The following GPR55 variants were observed in gnomAD, a reference collection of about 807,000 sequenced individuals.
GPR55 encodes G protein-coupled receptor 55, also known as G-protein coupled receptor 55.
Under a neutral mutation model 7.9 loss-of-function variants are expected in GPR55, and 6 were observed. That is an observed-to-expected ratio of 0.76 (90% CI 0.41 to 1.49). The LOEUF is 1.49. GPR55 is among the 40% of genes most tolerant of loss of function. The pLI is 0.01. For missense variants in GPR55, 376 were observed against 406.0 expected, an observed-to-expected ratio of 0.93 and a Z score of 0.63; for synonymous variants, 183 against 166.8, an observed-to-expected ratio of 1.10 and a Z score of -0.75.
At chr2:230,946,795 T>G (rs1033284066) in intron 1 of GPR55, among the ~76,000 whole-genome samples, 18 of 152,174 alleles carry the variant, frequency 1.2e-4, no homozygotes, top group African/African-American at 4.1e-4. Context: ...GCCCAGCCCA[T>G]CAGACCTTTT....
rs1040993287 is a variant in GPR55, at chr2:230,923,382, G to A, written c.-135+1786C>T. Among the ~76,000 whole-genome samples, 14 of 152,220 alleles carry A rather than the reference G, an allele frequency of 9.2e-5. No individual in the cohort carries two copies. The highest frequency in any genetic ancestry group is 2.6e-4 in the Admixed American group (4 of 15,288). On this transcript the variant is annotated intron_variant, in intron 1 of 1. Coordinates refer to ENST00000650999, the MANE Select transcript of GPR55 (RefSeq NM_005683.4). The surrounding 1 kb of genome is among the most constrained non-coding windows in gnomAD (Gnocchi z 4.1). ...CTAAAAAAGCAGCATTGGCACAGCC[G>A]CAGGGATGGATTTGAGGAGCCCTGG...
intron 1 of GPR55, among the ~76,000 whole-genome samples, chr2:230,950,357 G>A (rs758439266): frequency 2.0e-5 from 3 of 152,172 alleles, no homozygotes; most frequent in East Asian, 1.9e-4. Flanking sequence ...AGGACAAGAC[G>A]CAGAGCAATT....
rs900627858 is a variant in GPR55 at position 230,923,019 on chromosome 2, T to C, written c.-135+2149A>G. ...GCACCCGGCCTGTGCTGGTTCTTAA[T>C]TGCTGACTCTACACATTCTGCAGCT... On this transcript the variant is annotated intron_variant, in intron 1 of 1. Transcript: ENST00000650999. This position sits in a 1 kb window ranked among gnomAD's most constrained non-coding sequence, Gnocchi z 4.1. Among the ~76,000 whole-genome samples, 3 of 152,182 alleles carry C rather than the reference T, an allele frequency of 2.0e-5. No individual in the cohort carries two copies. The highest frequency in any genetic ancestry group is 2.9e-5 in the Non-Finnish European group (2 of 68,040).
chr2:230,949,246 G>A (rs901648839), intron 1 of GPR55, among the ~76,000 whole-genome samples: 2 of 151,994 alleles, frequency 1.3e-5, no homozygotes, highest in East Asian at 1.9e-4. Context: ...TCACTGCAAC[G>A]TCTGTCTCCC....
chr2:230,944,696 T>A lies in GPR55; in HGVS notation c.-135+16079A>T, dbSNP rs1574633893. 6.6e-6 allele frequency among the ~76,000 whole-genome samples: 1 copy of A among 152,234 alleles called. No homozygotes were observed. The highest frequency in any genetic ancestry group is 1.9e-4 in the East Asian group (1 of 5,204). On this transcript the variant is annotated intron_variant, in intron 1 of 1. Coordinates refer to the GPR55 transcript ENST00000392039. This position sits in a 1 kb window ranked among gnomAD's most constrained non-coding sequence, Gnocchi z 4.2. ...TTGTCACAAATTTACTTTGATCTCA[T>A]GTACCCCGTAAATACAGACACCTAC...
intron 1 of GPR55, among the ~76,000 whole-genome samples, chr2:230,940,495 T>A (rs1177367130): frequency 1.3e-5 from 2 of 152,072 alleles, no homozygotes; most frequent in Non-Finnish European, 2.9e-5. Context: ...GACTGAGAAG[T>A]CTGCAGGGGC....
At chr2:230,915,613 C>T (rs946506415) in intron 1 of GPR55, among the ~76,000 whole-genome samples, 15 of 152,150 alleles carry the variant, frequency 9.9e-5, no homozygotes, top group Non-Finnish European at 1.2e-4. Context: ...GGAGATGAAG[C>T]GCCATGTTTC....
chr2:230,946,270 C>A (rs776883709), intron 1 of GPR55, among the ~76,000 whole-genome samples: 1 of 152,052 alleles, frequency 6.6e-6, no homozygotes, highest in African/African-American at 2.4e-5. Context: ...AAGAGGAATA[C>A]GTTCTGGAGA....
At chr2:230,929,430 C>T (rs573855901), upstream of GPR55, among the ~76,000 whole-genome samples, 4 of 152,168 alleles carry the variant, frequency 2.6e-5, no homozygotes, top group African/African-American at 7.2e-5. Context: ...GAGTAAAACA[C>T]GCAAGGGGGC....
At chr2:230,926,306 C>A (rs918633785), upstream of GPR55, among the ~76,000 whole-genome samples, 3 of 152,186 alleles carry the variant, frequency 2.0e-5, no homozygotes, top group Non-Finnish European at 4.4e-5. Context: ...TGGGCTTGTG[C>A]GATGGGCAGT....
At position 230,924,632 on chromosome 2, in the gene GPR55, G is replaced by A. The variant is rs1040935246; in HGVS notation, c.-135+536C>T. On this transcript the variant is annotated intron_variant, in intron 1 of 1. Transcript: ENST00000650999. The surrounding 1 kb of genome is among the most constrained non-coding windows in gnomAD (Gnocchi z 4.5). ...CTCATGCCCCAGAGAGGTAAACGGAGGCTAGAGAAATTACGCAGCTGGTGA... is the reference window on the plus strand; with the variant it reads ...CTCATGCCCCAGAGAGGTAAACGGAAGCTAGAGAAATTACGCAGCTGGTGA... 1 of 152,188 alleles carries A rather than the reference G, an allele frequency of 6.6e-6. No homozygotes were observed. Among genetic ancestry groups the A allele is most frequent in the Non-Finnish European group, 1.5e-5 (1 of 68,062 alleles). 9.4% of individuals were successfully genotyped at this position (152,188 alleles called of 1,614,324 possible).
chr2:230,910,155 A>G lies in GPR55; in HGVS notation c.808T>C (p.Leu270=). Residue 270 remains leucine (L), a synonymous_variant, in exon 2 of 2, where the codon TTG becomes CTG. Transcript: ENST00000650999. The surrounding 1 kb of genome is among the most constrained non-coding windows in gnomAD (Gnocchi z 5.4). Reference sequence around the variant, plus strand: ...TTGGAGAAACACATGGACAATTGCAAGAAGAAGCTGATGCTCTGCTTGGCT... The same window carrying G: ...TTGGAGAAACACATGGACAATTGCAGGAAGAAGCTGATGCTCTGCTTGGCT... ...CRAKQSISFF[L]QLSMCFSNVN... 1 of 1,614,220 alleles carries G rather than the reference A, an allele frequency of 6.2e-7. No individual in the cohort carries two copies. Among genetic ancestry groups the G allele is most frequent in the Non-Finnish European group, 8.5e-7 (1 of 1,180,020 alleles).
intron 1 of GPR55, among the ~76,000 whole-genome samples, chr2:230,911,807 C>A (rs934512803): frequency 3.3e-5 from 5 of 152,224 alleles, no homozygotes; most frequent in East Asian, 1.9e-4. Flanking sequence ...GGCCTTTTGT[C>A]GGGCAGAAAA....
intron 1 of GPR55, among the ~76,000 whole-genome samples, chr2:230,951,785 G>T (rs1280763123): frequency 6.8e-6 from 1 of 147,646 alleles, no homozygotes; most frequent in Non-Finnish European, 1.5e-5. Context: ...GTGAGACAGG[G>T]TCTTGCTCTG....
At chr2:230,954,223 T>G (rs1691445578) in intron 1 of GPR55, among the ~76,000 whole-genome samples, 1 of 152,244 alleles carries the variant, frequency 6.6e-6, no homozygotes, top group African/African-American at 2.4e-5. Context: ...CCTGGTCTCC[T>G]TGCCCCTTCC....
At chr2:230,927,569 C>T (rs973488690), upstream of GPR55, among the ~76,000 whole-genome samples, 1 of 152,210 alleles carries the variant, frequency 6.6e-6, no homozygotes, top group Non-Finnish European at 1.5e-5. Flanking sequence ...CCTGCCCACC[C>T]TCTCACCATC....
chr2:230,950,695 A>G (rs1016783198), intron 1 of GPR55, among the ~76,000 whole-genome samples: 1 of 152,182 alleles, frequency 6.6e-6, no homozygotes, highest in Non-Finnish European at 1.5e-5. Context: ...CGGAACCCCC[A>G]TAGTCCCTGT....
At chr2:230,920,092 TTGTGTGTGTG>T (rs61504370) in intron 1 of GPR55, among the ~76,000 whole-genome samples, 16 of 149,510 alleles carry the variant, frequency 1.1e-4, no homozygotes, top group African/African-American at 3.7e-4. Flanking sequence ...TCTCTGTCTT[TTGTGTGTGTG>T]TGTGTGTGTG....
At chr2:230,914,326 G>T (rs1209009543) in intron 1 of GPR55, among the ~76,000 whole-genome samples, 1 of 152,162 alleles carries the variant, frequency 6.6e-6, no homozygotes, top group Non-Finnish European at 1.5e-5. Flanking sequence ...GGTCACATTT[G>T]AATTACCGAC....
Sources: allele counts gnomAD v4.1 joint callset (sites outside exome capture counted in the v4.1 genomes callset), GRCh38; gene constraint gnomAD v4.1.1; non-coding constraint Gnocchi (gnomAD v3.1); transcripts MANE v1.5; gene names NCBI Gene and HGNC (gene_info 2026-07-23, HGNC 2026-07-21).